DDAH1: variants seen among roughly 807,000 people sequenced by gnomAD.
DDAH1 encodes N(G),N(G)-dimethylarginine dimethylaminohydrolase 1.
DDAH1 carries 19 observed loss-of-function variants against 28.8 expected under a neutral mutation model. That is an observed-to-expected ratio of 0.66 (90% CI 0.46 to 0.97). DDAH1 has a LOEUF of 0.97. Ranked by LOEUF, DDAH1 falls within the 50% of genes least tolerant of loss-of-function variation. The probability of loss-of-function intolerance (pLI) is 0.00; values close to 1 mark genes in which losing one functional copy is unlikely to be tolerated. For synonymous variants in DDAH1, 153 were observed against 154.4 expected (o/e 0.99, Z 0.07); for missense variants, 326 against 375.9 (o/e 0.87, Z 1.10).
chr1:85,344,503 GTT>G (rs1648715657), intron 4 of DDAH1, among the ~76,000 whole-genome samples: 1 of 152,050 alleles, frequency 6.6e-6, no homozygotes, highest in Non-Finnish European at 1.5e-5. Flanking sequence ...CCTCTGAATA[GTT>G]TCAGGAAAGT....
intron 1 of DDAH1, among the ~76,000 whole-genome samples, chr1:85,447,322 C>T (rs17127623): frequency 0.094 from 14,245 of 152,154 alleles, 722 homozygotes; most frequent in Middle Eastern, 0.13. Context: ...CCATGAGGCT[C>T]TCCATTTAAA....
At chr1:85,471,172 TG>T (rs1418063083) in intron 2 of DDAH1, among the ~76,000 whole-genome samples, 1 of 152,240 alleles carries the variant, frequency 6.6e-6, no homozygotes, top group African/African-American at 2.4e-5. Flanking sequence ...TGCTTTTTCA[TG>T]GTTGTAGCAA....
intron 1 of DDAH1, among the ~76,000 whole-genome samples, chr1:85,502,109 T>C (rs558685210): frequency 4.6e-5 from 7 of 152,358 alleles, no homozygotes; most frequent in Non-Finnish European, 1.0e-4. Context: ...AACACTTTAT[T>C]GGCACTGCTT....
At chr1:85,432,103 T>C (rs935012928) in intron 1 of DDAH1, among the ~76,000 whole-genome samples, 2 of 152,202 alleles carry the variant, frequency 1.3e-5, no homozygotes, top group African/African-American at 4.8e-5. Context: ...GAAAGGGCTA[T>C]GTAGAATGTA....
rs535199631 is a variant in DDAH1 at position 85,451,026 on chromosome 1, C to T, written c.303+13717G>A. On this transcript the variant is annotated intron_variant, in intron 1 of 5. Transcript: ENST00000284031. ...ACCATGAGCTGGAGAGAGGCCAGTGCCCACAAGAGACCTGCCTGTAGAGTG... is the reference window on the plus strand; with the variant it reads ...ACCATGAGCTGGAGAGAGGCCAGTGTCCACAAGAGACCTGCCTGTAGAGTG... Among the ~76,000 whole-genome samples, 70 of 152,294 alleles carry T rather than the reference C, an allele frequency of 4.6e-4. 1 individual carries two copies. The highest frequency in any genetic ancestry group is 1.7e-3 in the African/African-American group (69 of 41,568).
At chr1:85,500,140 T>TTC (rs1656759164) in intron 1 of DDAH1, among the ~76,000 whole-genome samples, 2 of 100,784 alleles carry the variant, frequency 2.0e-5, no homozygotes, top group African/African-American at 3.9e-5. Flanking sequence ...CTTTCTTTCT[T>TTC]TCTTTCTTTT....
rs367713761 is a variant in DDAH1 at position 85,351,595 on chromosome 1, T to C, written c.404-16A>G. 7.5e-6 allele frequency: 12 copies of C among 1,602,922 alleles called. No individual in the cohort carries two copies. The highest frequency in any genetic ancestry group is 2.7e-5 in the African/African-American group (2 of 74,710). On this transcript the variant is annotated splice_polypyrimidine_tract_variant and intron_variant, in intron 2 of 5. Transcript: ENST00000284031. ...AATTCTCTGCCTGTAATAGATGTCA[T>C]GGAACATAGTGAGCAGGTGGCACCA...
chr1:85,545,116 C>G (rs1185357310), intron 1 of DDAH1, among the ~76,000 whole-genome samples: 1 of 152,178 alleles, frequency 6.6e-6, no homozygotes, highest in African/African-American at 2.4e-5. Flanking sequence ...CATTCAGCAA[C>G]CCAAACTCTG....
intron 1 of DDAH1, among the ~76,000 whole-genome samples, chr1:85,417,588 T>C (rs1199940257): frequency 6.6e-6 from 1 of 152,256 alleles, no homozygotes; most frequent in Non-Finnish European, 1.5e-5. Context: ...AGTTGGAATG[T>C]AAATCCTATC....
intron 4 of DDAH1, among the ~76,000 whole-genome samples, chr1:85,341,333 G>A (rs2100821618): frequency 6.6e-6 from 1 of 152,290 alleles, no homozygotes. Context: ...GTAATAAGAG[G>A]TTTTGAAAAT....
rs759314961 is a variant in DDAH1, at chr1:85,464,845, G to A, written c.201C>T (p.Ala67=). 3.7e-5 allele frequency: 59 copies of A among 1,587,648 alleles called. 1 individual carries two copies. The highest frequency in any genetic ancestry group is 4.9e-5 in the Non-Finnish European group (57 of 1,174,828). ...KLGLQVVELP[A]DESLPDCVFV... ...AGACGCAGTCCGGAAGGCTCTCGTC[G>A]GCCGGCAGCTCCACCACCTGCAGCC... is the stretch of plus-strand genomic sequence containing the variant. The change falls in exon 1 of 6, where the codon GCC becomes GCT. Residue 67 remains alanine, a synonymous_variant. Coordinates refer to ENST00000284031, the MANE Select transcript of DDAH1 (RefSeq NM_012137.4). The surrounding 1 kb of genome is among the most constrained non-coding windows in gnomAD (Gnocchi z 4.4).
rs1187410309 is a variant in DDAH1, at chr1:85,340,579, C to A, written c.597+9836G>T. On this transcript the variant is annotated intron_variant, in intron 4 of 5. Transcript: ENST00000284031. ...TAAGTGGGCCTCACTTTCTGCACTG[C>A]CCTTTCCACTTTCACAGCTACTTTC... Among the ~76,000 whole-genome samples, 4 of 152,286 alleles carry A rather than the reference C, an allele frequency of 2.6e-5. No homozygotes were observed. The East Asian group carries it at 7.7e-4, about 29-fold the overall frequency.
At chr1:85,400,386 T>C (rs1470145841) in intron 1 of DDAH1, among the ~76,000 whole-genome samples, 1 of 151,754 alleles carries the variant, frequency 6.6e-6, no homozygotes, top group Non-Finnish European at 1.5e-5. Context: ...GTATTTTTAG[T>C]AGAGAGAGGG....
chr1:85,407,817 T>C (rs1269190206), intron 1 of DDAH1, among the ~76,000 whole-genome samples: 1 of 152,184 alleles, frequency 6.6e-6, no homozygotes, highest in African/African-American at 2.4e-5. Context: ...TATGCATACA[T>C]GTAAAGATTA....
intron 1 of DDAH1, among the ~76,000 whole-genome samples, chr1:85,564,887 A>C (rs577694323): frequency 1.5e-3 from 222 of 151,080 alleles, no homozygotes; most frequent in African/African-American, 5.1e-3. Context: ...AGAAATTCTT[A>C]AAAGCAGCCA....
chr1:85,498,767 C>G (rs548805635), intron 1 of DDAH1, among the ~76,000 whole-genome samples: 2 of 151,958 alleles, frequency 1.3e-5, no homozygotes, highest in South Asian at 4.2e-4. Flanking sequence ...AAAAAAAATA[C>G]AAAAATTAGC....
At chr1:85,513,188 A>G (rs1657309753) in intron 1 of DDAH1, among the ~76,000 whole-genome samples, 1 of 152,360 alleles carries the variant, frequency 6.6e-6, no homozygotes, top group East Asian at 1.9e-4. Flanking sequence ...GGCCTCAGAA[A>G]TAACACCACA....
At chr1:85,407,102 T>C (rs142261913) in intron 1 of DDAH1, among the ~76,000 whole-genome samples, 6 of 152,330 alleles carry the variant, frequency 3.9e-5, no homozygotes, top group Non-Finnish European at 8.8e-5. Flanking sequence ...TGAAGAGTTA[T>C]GAGCAGGAAG....
intron 1 of DDAH1, among the ~76,000 whole-genome samples, chr1:85,541,278 T>G (rs1658464457): frequency 6.6e-6 from 1 of 152,228 alleles, no homozygotes; most frequent in African/African-American, 2.4e-5. Flanking sequence ...TGTAAGCACT[T>G]AGGCTAAGCA....
Sources: gnomAD v4.1 joint callset for allele counts (sites outside exome capture counted in the v4.1 genomes callset) on GRCh38, gnomAD v4.1.1 for gene constraint, Gnocchi (gnomAD v3.1) non-coding constraint, MANE v1.5 for transcripts, NCBI Gene and HGNC (gene_info 2026-07-23, HGNC 2026-07-21) for gene names.